Variants in TXNRD1 observed in about 807,000 individuals in gnomAD.
TXNRD1 encodes the protein thioredoxin reductase 1, cytoplasmic.
A neutral mutation model predicts 80.3 loss-of-function variants in TXNRD1; 57 were observed. That is an observed-to-expected ratio of 0.71 (90% CI 0.57 to 0.89). The LOEUF (loss-of-function observed/expected upper bound fraction) is 0.89. Among genes scored for constraint, TXNRD1 ranks in the 40% least tolerant of loss-of-function variants. TXNRD1 has a pLI of 0.00. For synonymous variants in TXNRD1, 291 were observed against 285.2 expected, an observed-to-expected ratio of 1.02 and a Z score of -0.20; for missense variants, 730 against 803.0, an observed-to-expected ratio of 0.91 and a Z score of 1.10.
At chr12:104,297,599 A>C (rs1310313396) in intron 4 of TXNRD1, among the ~76,000 whole-genome samples, 1 of 152,084 alleles carries the variant, frequency 6.6e-6, no homozygotes, top group Non-Finnish European at 1.5e-5. Context: ...TCCTGACCTC[A>C]GGTGATCCGC....
At chr12:104,309,379 A>G (rs2035046440) in intron 4 of TXNRD1, among the ~76,000 whole-genome samples, 1 of 152,202 alleles carries the variant, frequency 6.6e-6, no homozygotes, top group East Asian at 1.9e-4. Context: ...CAGGTTACAT[A>G]CAGAATTTCA....
At chr12:104,287,391 G>T in intron 3 of TXNRD1, 1 of 1,613,952 alleles carries the variant, frequency 6.2e-7, no homozygotes, top group Non-Finnish European at 8.5e-7. Context: ...CCTTCCTCTT[G>T]GTCTTTGTAG....
chr12:104,264,315 A>C (rs1438225997), intron 3 of TXNRD1, among the ~76,000 whole-genome samples: 1 of 152,224 alleles, frequency 6.6e-6, no homozygotes, highest in Non-Finnish European at 1.5e-5. Context: ...CTGTAAACAA[A>C]AGCAACTTAG....
At chr12:104,268,538 GAA>G (rs765618174) in intron 3 of TXNRD1, among the ~76,000 whole-genome samples, 96 of 151,934 alleles carry the variant, frequency 6.3e-4, no homozygotes, top group Admixed American at 1.1e-3. Flanking sequence ...AAAAAAGAAA[GAA>G]AGAGAGTATC....
chr12:104,304,336 C>G, intron 4 of TXNRD1: 1 of 1,613,974 alleles, frequency 6.2e-7, no homozygotes, highest in Non-Finnish European at 8.5e-7. Flanking sequence ...GGATGGAAGG[C>G]GATCCTGACA....
At chr12:104,218,624 CTT>C (rs11391182) in intron 1 of TXNRD1, among the ~76,000 whole-genome samples, 2 of 147,538 alleles carry the variant, frequency 1.4e-5, no homozygotes, top group African/African-American at 2.5e-5. Flanking sequence ...TCTTTTCTTT[CTT>C]TTTTTTTTTG....
At chr12:104,303,262 C>G (rs973333539) in intron 4 of TXNRD1, among the ~76,000 whole-genome samples, 1 of 152,072 alleles carries the variant, frequency 6.6e-6, no homozygotes, top group Admixed American at 6.6e-5. Context: ...AGTAATTAAC[C>G]CGATTTACAT....
chr12:104,314,731 T>A (rs893729755), intron 6 of TXNRD1, among the ~76,000 whole-genome samples: 6 of 144,192 alleles, frequency 4.2e-5, no homozygotes, highest in Non-Finnish European at 9.0e-5. Flanking sequence ...TACACCAAAA[T>A]TTTTTTCTTT....
Position 104,265,863 on chromosome 12 carries a change from G to A in TXNRD1, c.304+7784G>A, listed in dbSNP as rs3209761. ...AGGTGCAGGGCCCTCGTCCGGGTGT[G>A]CCCCAAATAAACTCAGGAACGCCCC... On this transcript the variant is annotated intron_variant, in intron 3 of 16. Transcript: ENST00000525566. 16 of 1,277,260 alleles carry A rather than the reference G, an allele frequency of 1.3e-5. No individual in the cohort carries two copies. In the East Asian group the frequency reaches 3.3e-4, roughly 26 times the overall value. 79.1% of individuals were successfully genotyped at this position (1,277,260 alleles called of 1,614,324 possible).
chr12:104,277,476 T>A (rs540959388), intron 3 of TXNRD1, among the ~76,000 whole-genome samples: 1 of 151,656 alleles, frequency 6.6e-6, no homozygotes, highest in African/African-American at 2.4e-5. Context: ...GGCATGAGGA[T>A]CATTTAAACC....
intron 16 of TXNRD1, chr12:104,346,209 C>A: frequency 4.0e-6 from 1 of 251,858 alleles, no homozygotes; most frequent in Non-Finnish European, 8.1e-6. Context: ...GACAGGGTCG[C>A]ATTATGTTGC....
In TXNRD1 at chr12:104,305,611, G is replaced by C. The variant is rs185744331; in HGVS notation, c.415-5679G>C. Among the ~76,000 whole-genome samples the C allele has an allele frequency of 3.3e-5, 5 of 152,334 alleles. No individual in the cohort carries two copies. The East Asian group carries it at 9.6e-4, about 29-fold the overall frequency. Reference sequence around the variant, plus strand: ...CAAGGTCAAATGCATGGAATTGTTAGAAGTTAGGCACGAGAGGACCATTAG... The same window carrying C: ...CAAGGTCAAATGCATGGAATTGTTACAAGTTAGGCACGAGAGGACCATTAG... On this transcript the variant is annotated intron_variant, in intron 4 of 16. Coordinates refer to ENST00000525566, the MANE Select transcript of TXNRD1 (RefSeq NM_001093771.3).
chr12:104,254,644 A>AAAAAAAAAT lies in TXNRD1; in HGVS notation c.243+2967_243+2968insAAAAAAATA. Among the ~76,000 whole-genome samples the AAAAAAAAAT allele has an allele frequency of 2.0e-4, 19 of 93,632 alleles. 2 individuals are homozygous for AAAAAAAAAT. The South Asian group carries it at 4.6e-3, about 23-fold the overall frequency. 61.4% of individuals were successfully genotyped at this position (93,632 alleles called of 152,430 possible). On this transcript the variant is annotated intron_variant, in intron 2 of 16. Coordinates refer to ENST00000525566, the MANE Select transcript of TXNRD1 (RefSeq NM_001093771.3). ...CTATGTCTATGGAAAAAAAAAAAAA[A>AAAAAAAAAT]ATATATATATATATATATATATCAG...
intron 4 of TXNRD1, chr12:104,304,632 G>T (rs770588903): frequency 2.5e-6 from 4 of 1,613,698 alleles, no homozygotes; most frequent in African/African-American, 2.7e-5. Flanking sequence ...ACCTACTTTC[G>T]AAAGTATCCT....
chr12:104,304,546 GT>G, intron 4 of TXNRD1: 1 of 1,614,002 alleles, frequency 6.2e-7, no homozygotes, highest in East Asian at 2.2e-5. Flanking sequence ...TGCCTACAAA[GT>G]TGCAGAAGTT....
chr12:104,294,648 CGGTGCCTG>C (rs1270400073), intron 4 of TXNRD1, among the ~76,000 whole-genome samples: 1 of 152,186 alleles, frequency 6.6e-6, no homozygotes, highest in Non-Finnish European at 1.5e-5. Flanking sequence ...TCTCTTGCCT[CGGTGCCTG>C]GGTGGCTTGC....
chr12:104,344,267 G>A (rs2036421791), intron 16 of TXNRD1, among the ~76,000 whole-genome samples: 1 of 152,048 alleles, frequency 6.6e-6, no homozygotes, highest in Admixed American at 6.6e-5. Context: ...GCTTGGGAGG[G>A]GAGACGATGT....
At chr12:104,236,512 A>C (rs2032741033) in intron 1 of TXNRD1, among the ~76,000 whole-genome samples, 1 of 152,160 alleles carries the variant, frequency 6.6e-6, no homozygotes, top group African/African-American at 2.4e-5. Context: ...TTAAAAGTTC[A>C]GGCATGGTGG....
At chr12:104,265,893 G>GAAAAAAA (rs34390973) in intron 3 of TXNRD1, 2 of 575,536 alleles carry the variant, frequency 3.5e-6, no homozygotes, top group East Asian at 3.5e-5. Context: ...CGCCCCGGTG[G>GAAAAAAA]AAAAAAAAAA....
Sources: allele counts gnomAD v4.1 joint callset (sites outside exome capture counted in the v4.1 genomes callset), GRCh38; gene constraint gnomAD v4.1.1; transcripts MANE v1.5; gene names NCBI Gene and HGNC (gene_info 2026-07-23, HGNC 2026-07-21).